STON1: variants seen among roughly 807,000 people sequenced by gnomAD.
STON1 encodes stonin 1, also known as stonin-1.
STON1 carries 79 observed loss-of-function variants against 60.9 expected under a neutral mutation model. The ratio of observed to expected loss-of-function variants is 1.30; its 90% CI spans 1.08 to 1.56. STON1 has a LOEUF of 1.56. Among genes scored for constraint, STON1 ranks in the 40% most tolerant of loss-of-function variants. STON1 has a pLI of 0.00. For missense variants in STON1, 1,166 were observed against 858.9 expected, an observed-to-expected ratio of 1.36 and a Z score of -4.47; for synonymous variants, 363 against 306.9, an observed-to-expected ratio of 1.18 and a Z score of -1.91.
At chr2:48,570,406 C>T (rs1399428485) in intron 1 of STON1, among the ~76,000 whole-genome samples, 1 of 152,086 alleles carries the variant, frequency 6.6e-6, no homozygotes, top group Non-Finnish European at 1.5e-5. Flanking sequence ...AAACTGTGTG[C>T]AAGTGCAACC....
At chr2:48,537,717 A>T (rs1671485240) in intron 1 of STON1, among the ~76,000 whole-genome samples, 1 of 151,690 alleles carries the variant, frequency 6.6e-6, no homozygotes, top group African/African-American at 2.4e-5. Context: ...GGGCGTGGTG[A>T]CATGCACCTG....
At position 48,542,931 on chromosome 2, in the gene STON1, C is replaced by T. The variant is rs151141923; in HGVS notation, c.-48+12715C>T. Reference sequence around the variant, plus strand: ...AAAAAAAAGAAGGTCTAATCAGAGACACTTTTGGGGAGTGGCCGTGGTTAC... The same window carrying T: ...AAAAAAAAGAAGGTCTAATCAGAGATACTTTTGGGGAGTGGCCGTGGTTAC... On this transcript the variant is annotated intron_variant, in intron 1 of 3. Coordinates refer to ENST00000404752, the MANE Select transcript of STON1 (RefSeq NM_006873.4). 3.5e-3 allele frequency among the ~76,000 whole-genome samples: 518 copies of T among 149,114 alleles called. 3 individuals are homozygous for T. The highest frequency in any genetic ancestry group is 0.012 in the African/African-American group (474 of 40,574).
In STON1 at chr2:48,554,703, C is replaced by T. The variant is rs1263727838; in HGVS notation, c.-48+24487C>T. 1.6e-5 allele frequency among the ~76,000 whole-genome samples: 2 copies of T among 128,208 alleles called. 1 individual carries two copies. The highest frequency in any genetic ancestry group is 6.4e-5 in the African/African-American group (2 of 31,212). The allele number at this position is 128,208 out of a possible 152,430, so 84.1% of individuals were successfully genotyped here. A position where few individuals can be genotyped will look rare whatever the true frequency, so the allele number is the denominator to read the frequency against. On this transcript the variant is annotated intron_variant, in intron 1 of 3. Coordinates refer to ENST00000404752, the MANE Select transcript of STON1 (RefSeq NM_006873.4). ...TGCGTTTCTACTCAAACTTTAAGTG[C>T]AAAATTTTTTTTTTTTTTTTTTATT...
At chr2:48,579,268 G>A (rs764098607) in intron 1 of STON1, among the ~76,000 whole-genome samples, 3 of 151,402 alleles carry the variant, frequency 2.0e-5, no homozygotes, top group African/African-American at 7.3e-5. Flanking sequence ...GCCTCCCAAA[G>A]TGCTGGGATT....
At chr2:48,546,275 T>G (rs988049439) in intron 1 of STON1, among the ~76,000 whole-genome samples, 7 of 152,222 alleles carry the variant, frequency 4.6e-5, no homozygotes, top group African/African-American at 1.7e-4. Context: ...TCGACCTCAC[T>G]TGCCTGTAGT....
intron 1 of STON1, among the ~76,000 whole-genome samples, chr2:48,545,968 C>G (rs1572931867): frequency 6.6e-6 from 1 of 152,174 alleles, no homozygotes; most frequent in Non-Finnish European, 1.5e-5. Context: ...GGAAATTTCC[C>G]CATGCTGTGG....
At position 48,581,393 on chromosome 2, in the gene STON1, T is replaced by C. The variant is rs1319627329; in HGVS notation, c.760T>C (p.Cys254Arg). 1.2e-6 allele frequency: 2 copies of C among 1,607,092 alleles called. No homozygotes were observed. Among genetic ancestry groups the C allele is most frequent in the Non-Finnish European group, 1.7e-6 (2 of 1,176,132 alleles). The change falls in exon 2 of 4, where the codon TGT becomes CGT. Residue 254 changes from cysteine to arginine, a missense_variant. Coordinates refer to ENST00000404752, the MANE Select transcript of STON1 (RefSeq NM_006873.4). ...TAGAAGTTTGTCTATGCACTGTCTA[T>C]GTGCTGAAGAAAATGCCTCTTCCTT... is the stretch of plus-strand genomic sequence containing the variant. ...SLRSLSMHCL[C>R]AEENASSFVP...
chr2:48,554,883 G>A (rs1430723006), intron 1 of STON1, among the ~76,000 whole-genome samples: 1 of 72,148 alleles, frequency 1.4e-5, no homozygotes, highest in African/African-American at 5.4e-5. Flanking sequence ...GCCTTCCGCA[G>A]TGTTTGTGTC....
chr2:48,552,021 AGCTCTGCTTTCCAT>A (rs1672127444), intron 1 of STON1, among the ~76,000 whole-genome samples: 1 of 152,232 alleles, frequency 6.6e-6, no homozygotes, highest in Non-Finnish European at 1.5e-5. Flanking sequence ...GTGGGAACCC[AGCTCTGCTTTCCAT>A]GGCTGCATTG....
intron 1 of STON1, among the ~76,000 whole-genome samples, chr2:48,570,339 A>T (rs74666215): frequency 6.8e-6 from 1 of 147,312 alleles, no homozygotes; most frequent in Non-Finnish European, 1.5e-5. Context: ...GTCTCAAATT[A>T]AAAAAAAAAA....
Position 48,538,102 on chromosome 2 carries a change from C to T in STON1, c.-48+7886C>T, listed in dbSNP as rs534202457. 1.2e-4 allele frequency among the ~76,000 whole-genome samples: 18 copies of T among 151,604 alleles called. No homozygotes were observed. In the South Asian group the frequency reaches 1.9e-3, roughly 16 times the overall value. ...CTTAGTAGCTGGGATTACAGGCACG[C>T]GCCACCACGTGGGCCCAGCTAATTT... is the stretch of plus-strand genomic sequence containing the variant. On this transcript the variant is annotated intron_variant, in intron 1 of 3. Coordinates refer to ENST00000404752, the MANE Select transcript of STON1 (RefSeq NM_006873.4).
chr2:48,538,472 G>A (rs1321138711), intron 1 of STON1, among the ~76,000 whole-genome samples: 1 of 152,106 alleles, frequency 6.6e-6, no homozygotes, highest in African/African-American at 2.4e-5. Context: ...ATCCATTCAT[G>A]TGTTCTTGGG....
At position 48,581,092 on chromosome 2, in the gene STON1, T is replaced by A. The variant is rs999657621; in HGVS notation, c.459T>A (p.Asp153Glu). The A allele has an allele frequency of 6.2e-7, 1 of 1,601,632 alleles. No individual in the cohort carries two copies. Among genetic ancestry groups the A allele is most frequent in the African/African-American group, 1.3e-5 (1 of 74,450 alleles). ...CAACTCCCAAAGTAGGTCTTCCAGA[T>A]GAAGTTAATCCTCAACAGGCTGAAA... ...THPTPKVGLP[D>E]EVNPQQAESL... The change falls in exon 2 of 4, where the codon GAT becomes GAA. Residue 153 changes from aspartate to glutamate, a missense_variant. Physicochemically the swap from Asp to Glu is conservative, Grantham distance 45. Transcript: ENST00000404752.
intron 1 of STON1, among the ~76,000 whole-genome samples, chr2:48,564,416 CTTCTTCTTCTTCTTCTTCTTCTTCTTCT>C (rs1672747887): frequency 1.2e-4 from 6 of 48,904 alleles, no homozygotes; most frequent in African/African-American, 4.3e-4. Flanking sequence ...TCTTCTTCTT[CTTCTTCTTCTTCTTCTTCTTCTTCTTCT>C]TCTTCTTCTT....
At chr2:48,583,439 A>G (rs1345183910) in intron 2 of STON1, among the ~76,000 whole-genome samples, 2 of 152,236 alleles carry the variant, frequency 1.3e-5, no homozygotes, top group African/African-American at 4.8e-5. Flanking sequence ...TTAAAAATTC[A>G]GTTAATTTTT....
At chr2:48,539,068 C>T (rs1303103166) in intron 1 of STON1, among the ~76,000 whole-genome samples, 4 of 152,078 alleles carry the variant, frequency 2.6e-5, no homozygotes, top group African/African-American at 9.7e-5. Context: ...CAGGTGCGCA[C>T]CACTATGCCC....
chr2:48,576,978 T>C (rs1257074261), intron 1 of STON1, among the ~76,000 whole-genome samples: 1 of 150,476 alleles, frequency 6.6e-6, no homozygotes, highest in Non-Finnish European at 1.5e-5. Flanking sequence ...GGCGTGAACC[T>C]GGGAGATGGA....
chr2:48,583,620 T>C (rs891578455), intron 2 of STON1, among the ~76,000 whole-genome samples: 1 of 151,416 alleles, frequency 6.6e-6, no homozygotes, highest in African/African-American at 2.4e-5. Flanking sequence ...TTGTTGGTTT[T>C]TTTTTTTTTT....
intron 2 of STON1, among the ~76,000 whole-genome samples, chr2:48,584,635 C>T (rs1303541302): frequency 7.2e-6 from 1 of 139,032 alleles, no homozygotes; most frequent in Non-Finnish European, 1.6e-5. Context: ...TCACTTCATG[C>T]TAATTAAATC....
Sources: gnomAD v4.1 joint callset for allele counts (sites outside exome capture counted in the v4.1 genomes callset) on GRCh38, gnomAD v4.1.1 for gene constraint, MANE v1.5 for transcripts, NCBI Gene and HGNC (gene_info 2026-07-23, HGNC 2026-07-21) for gene names.